Variants in MEFV observed in about 807,000 individuals in gnomAD.
The protein encoded by MEFV is MEFV innate immunity regulator, pyrin, also known as pyrin.
A neutral mutation model predicts 62.5 loss-of-function variants in MEFV; 60 were observed. The ratio of observed to expected loss-of-function variants is 0.96; its 90% CI spans 0.78 to 1.19. The LOEUF is 1.19. MEFV is among the 50% of genes most tolerant of loss of function. The pLI is 0.00. For missense variants in MEFV, 1,169 were observed against 1,004.5 expected (o/e 1.16, Z -2.21); for synonymous variants, 500 against 415.2 (o/e 1.20, Z -2.48).
At chr16:3,253,988 G>C (rs1959075004) in intron 2 of MEFV, among the ~76,000 whole-genome samples, 170 bp downstream of exon 2, 1 of 152,096 alleles carries the variant, frequency 6.6e-6, no homozygotes, top group Non-Finnish European at 1.5e-5. Flanking sequence ...TTCGTTTATA[G>C]AGATGGCGGG....
chr16:3,254,271 T>A lies in MEFV; in HGVS notation c.797A>T (p.Lys266Met). Reference protein sequence around the residue: ...NPEILLTLEEKTAANLDSATE... With the variant: ...NPEILLTLEEMTAANLDSATE... ...TGCCGAGTCCAGATTCGCAGCTGTC[T>A]TTTCCTCTAGAGTCAGGAGAATTTC... Residue 266 changes from lysine to methionine, a missense_variant, in exon 2 of 10, where the codon AAG (lysine) becomes ATG (methionine). Physicochemically the swap from Lys to Met is moderately conservative, Grantham distance 95. Coordinates refer to ENST00000219596, the MANE Select transcript of MEFV (RefSeq NM_000243.3). The A allele has an allele frequency of 6.2e-7, 1 of 1,614,248 alleles. No individual in the cohort carries two copies. The highest frequency in any genetic ancestry group is 1.1e-5 in the South Asian group (1 of 91,090).
Position 3,244,001 on chromosome 16 carries a change from C to A in MEFV, c.1760-109G>T, listed in dbSNP as rs569885208. 29 of 1,563,862 alleles carry A rather than the reference C, an allele frequency of 1.9e-5. No individual in the cohort carries two copies. The African/African-American group carries it at 3.5e-4, about 19-fold the overall frequency. On this transcript the variant is annotated intron_variant, in intron 8 of 9. Transcript: ENST00000219596. ...AAGACAAGGAACCCCCTGCTTAGGG[C>A]CCTGCATGCTATGTTGGGTATAATC...
At chr16:3,244,384 G>T in intron 7 of MEFV, 89 bp downstream of exon 7, 1 of 1,598,128 alleles carries the variant, frequency 6.3e-7, no homozygotes. Context: ...AAGACCAGGG[G>T]AAGAGGAGGG....
rs104895146 is a variant in MEFV at position 3,256,563 on chromosome 16, G to A, written c.25C>T (p.Leu9=). The change falls in exon 1 of 10, where the codon CTG becomes TTG. Residue 9 remains leucine (L), a synonymous_variant. Transcript: ENST00000219596. MAKTPSDH[L]LSTLEELVPY... is the part of the protein sequence containing the mutation. ...ACCAGCTCCTCCAGGGTGGACAGCA[G>A]ATGGTCACTAGGGGTCTTAGCCATG... The A allele has an allele frequency of 1.2e-6, 2 of 1,614,240 alleles. No individual in the cohort carries two copies. Among genetic ancestry groups the A allele is most frequent in the Non-Finnish European group, 1.7e-6 (2 of 1,180,054 alleles).
intron 4 of MEFV, 150 bp downstream of exon 4, chr16:3,248,759 T>C (rs1382602059): frequency 1.5e-5 from 24 of 1,552,260 alleles, no homozygotes; most frequent in Non-Finnish European, 2.0e-5. Flanking sequence ...GGGATGAGCT[T>C]ACCCTTGGCT....
intron 2 of MEFV, among the ~76,000 whole-genome samples, chr16:3,253,792 G>C (rs1001220599): frequency 6.6e-6 from 1 of 152,086 alleles, no homozygotes; most frequent in African/African-American, 2.4e-5. Flanking sequence ...AAGTGAACCC[G>C]AGCAGCTGGG....
intron 1 of MEFV, 34 bp downstream of exon 1, chr16:3,256,277 G>C (rs1403090523): frequency 1.2e-6 from 2 of 1,609,432 alleles, no homozygotes; most frequent in Non-Finnish European, 1.7e-6. Context: ...CCAGCACTCA[G>C]CACTGGATGA....
intron 1 of MEFV, among the ~76,000 whole-genome samples, chr16:3,255,368 T>C (rs1959101911): frequency 6.6e-6 from 1 of 152,104 alleles, no homozygotes; most frequent in Non-Finnish European, 1.5e-5. Context: ...TCAATTACCA[T>C]TCAGTAAGAA....
At chr16:3,253,115 A>C (rs1162985643) in intron 2 of MEFV, among the ~76,000 whole-genome samples, 1 of 152,046 alleles carries the variant, frequency 6.6e-6, no homozygotes, top group Non-Finnish European at 1.5e-5. Context: ...TGCTTAAAAA[A>C]ATCCAGATGG....
Position 3,243,897 on chromosome 16 carries a change from GGA to G in MEFV, c.1760-7_1760-6del, listed in dbSNP as rs746431694. ...GAGCGCCAATCAGCTCCGGAACTAC[GGA>G]GAAAAATCAGATAGGGAAAAAAATC... is the stretch of plus-strand genomic sequence containing the variant. On this transcript the variant is annotated splice_polypyrimidine_tract_variant and splice_region_variant and intron_variant, in intron 8 of 9. Transcript: ENST00000219596. The G allele has an allele frequency of 3.1e-6, 5 of 1,613,858 alleles. No homozygotes were observed. Among genetic ancestry groups the G allele is most frequent in the Non-Finnish European group, 3.4e-6 (4 of 1,179,984 alleles).
rs104895138 is a variant in MEFV at position 3,254,303 on chromosome 16, T to TGCGG, written c.761_764dup (p.Asn256ArgfsTer70). On this transcript the variant is annotated frameshift_variant, in exon 2 of 10. Transcript: ENST00000219596. LOFTEE classifies it high-confidence loss of function. ...CTAGAGTCAGGAGAATTTCTGGATTTGCGGGCGCCTTCTCCCCTGTAGAAA... is the reference window on the plus strand; with the variant it reads ...CTAGAGTCAGGAGAATTTCTGGATTTGCGGGCGGGCGCCTTCTCCCCTGTAGAAA... The TGCGG allele has an allele frequency of 5.6e-6, 9 of 1,614,146 alleles. No homozygotes were observed. The East Asian group carries it at 6.7e-5, about 12-fold the overall frequency.
chr16:3,252,814 G>A (rs113511076), intron 2 of MEFV, among the ~76,000 whole-genome samples: 12 of 151,380 alleles, frequency 7.9e-5, no homozygotes, highest in African/African-American at 2.9e-4. Flanking sequence ...ACCAGGTGTG[G>A]TGGTGAGCAC....
At chr16:3,251,327 C>T (rs767856761) in intron 2 of MEFV, among the ~76,000 whole-genome samples, 2 of 152,178 alleles carry the variant, frequency 1.3e-5, no homozygotes, top group African/African-American at 4.8e-5. Context: ...CAAGCAGCTT[C>T]TAGAAACTTC....
chr16:3,249,603 C>A lies in MEFV; in HGVS notation c.1088G>T (p.Ser363Ile), dbSNP rs747001133. 6.2e-7 allele frequency: 1 copy of A among 1,614,138 alleles called. No individual in the cohort carries two copies. The highest frequency in any genetic ancestry group is 8.5e-7 in the Non-Finnish European group (1 of 1,180,002). The change falls in exon 3 of 10, where the codon AGC (serine) becomes ATC (isoleucine). Residue 363 changes from serine (S) to isoleucine (I), a missense_variant. Coordinates refer to ENST00000219596, the MANE Select transcript of MEFV (RefSeq NM_000243.3). ...PRCQDSHERK[S>I]PGSLSPQPLP... is the part of the protein sequence containing the mutation. ...GGGCTGGGGGCTTAGGCTTCCCGGG[C>A]TCTTCCTTTCATGGGAGTCCTGGCA...
At position 3,254,804 on chromosome 16, in the gene MEFV, C is replaced by T; in HGVS notation, c.278-14G>A. ...GTGTGGAATATTCTGGAAGGACAAC[C>T]AGATGCAAAATGATGAAGCTGTCCC... On this transcript the variant is annotated splice_polypyrimidine_tract_variant and intron_variant, in intron 1 of 9. Coordinates refer to ENST00000219596, the MANE Select transcript of MEFV (RefSeq NM_000243.3). 2.5e-6 allele frequency: 4 copies of T among 1,609,936 alleles called. No individual in the cohort carries two copies. The highest frequency in any genetic ancestry group is 3.4e-6 in the Non-Finnish European group (4 of 1,179,990).
intron 5 of MEFV, 144 bp from the exon 6 acceptor site, chr16:3,246,691 A>T: frequency 1.1e-6 from 1 of 903,862 alleles, no homozygotes; most frequent in African/African-American, 1.7e-5. Flanking sequence ...GTGGAAGTGG[A>T]GCACCTTTCT....
At chr16:3,255,443 T>C (rs1033232279) in intron 1 of MEFV, among the ~76,000 whole-genome samples, 1 of 152,150 alleles carries the variant, frequency 6.6e-6, no homozygotes, top group African/African-American at 2.4e-5. Flanking sequence ...GATCTTGCTC[T>C]GTTGCCCTGA....
chr16:3,253,173 A>G (rs1959062147), intron 2 of MEFV, among the ~76,000 whole-genome samples: 1 of 152,114 alleles, frequency 6.6e-6, no homozygotes, highest in African/African-American at 2.4e-5. Context: ...AGTTAAGATC[A>G]GAGCAAAACC....
intron 2 of MEFV, 63 bp downstream of exon 2, chr16:3,254,095 A>G (rs1438571812): frequency 6.4e-7 from 1 of 1,568,338 alleles, no homozygotes; most frequent in African/African-American, 1.3e-5. Flanking sequence ...GGCATGAGCT[A>G]TCGTGCCCGG....
Sources: allele counts gnomAD v4.1 joint callset (sites outside exome capture counted in the v4.1 genomes callset), GRCh38; gene constraint gnomAD v4.1.1; transcripts MANE v1.5; gene names NCBI Gene and HGNC (gene_info 2026-07-23, HGNC 2026-07-21).